DPP10: variants seen among roughly 807,000 people sequenced by gnomAD.
DPP10 encodes dipeptidyl peptidase like 10.
A neutral mutation model predicts 120.9 loss-of-function variants in DPP10; 33 were observed. The observed-to-expected ratio is 0.27, with a 90% CI of 0.21 to 0.37. The LOEUF (loss-of-function observed/expected upper bound fraction) is 0.37, where lower values mean the gene tolerates loss of function less well. DPP10 is among the 10% of genes least tolerant of loss of function. The probability of loss-of-function intolerance (pLI) is 1.00; values close to 1 mark genes in which losing one functional copy is unlikely to be tolerated. For missense variants in DPP10, 816 were observed against 942.8 expected (o/e 0.87, Z 1.76); for synonymous variants, 337 against 326.1 (o/e 1.03, Z -0.36).
At chr2:114,669,433 C>A (rs539635016) in intron 1 of DPP10, among the ~76,000 whole-genome samples, 11 of 152,050 alleles carry the variant, frequency 7.2e-5, no homozygotes, top group African/African-American at 1.4e-4. Flanking sequence ...CTTAATGGGG[C>A]CTTTGGTACT....
In DPP10 at chr2:115,301,496, C is replaced by G. The variant is rs572104370; in HGVS notation, c.61-7743C>G. Among the ~76,000 whole-genome samples, 6 of 144,078 alleles carry G rather than the reference C, an allele frequency of 4.2e-5. No homozygotes were observed. The South Asian group carries it at 1.3e-3, about 31-fold the overall frequency. 94.5% of individuals were successfully genotyped at this position (144,078 alleles called of 152,430 possible). Reference sequence around the variant, plus strand: ...TTTTTTTTTTTTTTTTTTAACTGCACTCACTGTTCCAAGGTGGCGCAAGCA... The same window carrying G: ...TTTTTTTTTTTTTTTTTTAACTGCAGTCACTGTTCCAAGGTGGCGCAAGCA... On this transcript the variant is annotated intron_variant, in intron 1 of 25. Transcript: ENST00000410059.
chr2:115,520,611 C>G (rs752522839), intron 4 of DPP10, among the ~76,000 whole-genome samples: 1 of 152,058 alleles, frequency 6.6e-6, no homozygotes, highest in Non-Finnish European at 1.5e-5. Context: ...TACACAGTTC[C>G]TAAGGTTCTG....
intron 3 of DPP10, among the ~76,000 whole-genome samples, chr2:115,469,468 G>A (rs2074543941): frequency 6.6e-6 from 1 of 152,180 alleles, no homozygotes; most frequent in East Asian, 1.9e-4. Flanking sequence ...GATATTTAGA[G>A]TGTGCTGCCT....
chr2:115,633,311 C>G (rs1337633459), intron 5 of DPP10, among the ~76,000 whole-genome samples: 1 of 152,130 alleles, frequency 6.6e-6, no homozygotes, highest in Non-Finnish European at 1.5e-5. Context: ...AACCATCATT[C>G]TCAGCAAACT....
chr2:115,794,973 A>C (rs956480941), intron 19 of DPP10, among the ~76,000 whole-genome samples: 2 of 152,158 alleles, frequency 1.3e-5, no homozygotes, highest in East Asian at 3.9e-4. Flanking sequence ...CTTGAAGTCT[A>C]TAATAGTTAT....
intron 3 of DPP10, among the ~76,000 whole-genome samples, chr2:115,481,091 A>G (rs2075398904): frequency 6.6e-6 from 1 of 152,174 alleles, no homozygotes; most frequent in Non-Finnish European, 1.5e-5. Context: ...TATGTGAGCC[A>G]TAAACTGTGT....
intron 1 of DPP10, among the ~76,000 whole-genome samples, chr2:114,624,115 T>C (rs1694309146): frequency 6.6e-6 from 1 of 151,990 alleles, no homozygotes; most frequent in Non-Finnish European, 1.5e-5. Flanking sequence ...CACAAAACTG[T>C]GGAAGCATTG....
chr2:114,694,692 G>A (rs571627691), intron 1 of DPP10, among the ~76,000 whole-genome samples: 47 of 152,042 alleles, frequency 3.1e-4, no homozygotes, highest in South Asian at 2.1e-3. Flanking sequence ...CAACAGAACC[G>A]TATAAGTACA....
chr2:115,681,895 T>C (rs1252083260), intron 5 of DPP10, among the ~76,000 whole-genome samples: 2 of 151,720 alleles, frequency 1.3e-5, no homozygotes, highest in South Asian at 4.1e-4. Context: ...TTTGATCCTA[T>C]TGAAATGAAG....
At chr2:115,455,728 A>C (rs2073475421) in intron 3 of DPP10, among the ~76,000 whole-genome samples, 1 of 152,154 alleles carries the variant, frequency 6.6e-6, no homozygotes, top group African/African-American at 2.4e-5. Flanking sequence ...AGAATTCCCT[A>C]TTTAATAAAT....
chr2:115,295,067 T>A (rs780620881), intron 1 of DPP10, among the ~76,000 whole-genome samples: 1 of 152,088 alleles, frequency 6.6e-6, no homozygotes, highest in Non-Finnish European at 1.5e-5. Context: ...AGAGCAAACG[T>A]CTTTTCAAAT....
chr2:115,265,388 C>T (rs1299321860), intron 1 of DPP10, among the ~76,000 whole-genome samples: 1 of 151,708 alleles, frequency 6.6e-6, no homozygotes. Flanking sequence ...TATTATTAGG[C>T]ACTCTGAATT....
chr2:114,617,615 G>A (rs1490802918), intron 1 of DPP10, among the ~76,000 whole-genome samples: 1 of 151,944 alleles, frequency 6.6e-6, no homozygotes, highest in African/African-American at 2.4e-5. Context: ...TGTTTTTAGT[G>A]TTCTCCAATT....
chr2:115,233,934 A>G (rs759791494), intron 1 of DPP10: 3 of 518,274 alleles, frequency 5.8e-6, no homozygotes, highest in African/African-American at 5.8e-5. Flanking sequence ...GGTGGATTTA[A>G]AGCTTAGAAA....
chr2:114,879,616 T>A (rs1034083555), intron 1 of DPP10, among the ~76,000 whole-genome samples: 4 of 152,112 alleles, frequency 2.6e-5, no homozygotes, highest in African/African-American at 9.7e-5. Flanking sequence ...TCAAATAGGA[T>A]TCAAATATTG....
intron 1 of DPP10, among the ~76,000 whole-genome samples, chr2:114,897,052 A>C (rs1411449653): frequency 2.0e-5 from 3 of 152,164 alleles, no homozygotes; most frequent in East Asian, 1.9e-4. Flanking sequence ...TGATTTGCAT[A>C]TATTGAACCA....
chr2:114,607,582 C>A (rs762402099), intron 1 of DPP10, among the ~76,000 whole-genome samples: 1 of 152,142 alleles, frequency 6.6e-6, no homozygotes, highest in African/African-American at 2.4e-5. Context: ...CTGGCTTCAT[C>A]ATCTCATCCT....
chr2:115,559,777 A>T (rs2080449760), intron 5 of DPP10, among the ~76,000 whole-genome samples: 1 of 152,208 alleles, frequency 6.6e-6, no homozygotes, highest in Non-Finnish European at 1.5e-5. Context: ...TACAAATAAC[A>T]AGGTCAAATA....
chr2:115,477,879 G>A lies in DPP10; in HGVS notation c.272-21631G>A, dbSNP rs192297968. Among the ~76,000 whole-genome samples the A allele has an allele frequency of 4.6e-5, 7 of 152,274 alleles. No homozygotes were observed. In the East Asian group the frequency reaches 1.4e-3, roughly 29 times the overall value. ...ATAAGGAAAATGGGATGTATAGGAA[G>A]CATGGTGCTGGCATCTACTTGGCTT... On this transcript the variant is annotated intron_variant, in intron 3 of 25. Transcript: ENST00000410059.
Sources: allele counts gnomAD v4.1 joint callset (sites outside exome capture counted in the v4.1 genomes callset), GRCh38; gene constraint gnomAD v4.1.1; transcripts MANE v1.5; gene names NCBI Gene and HGNC (gene_info 2026-07-23, HGNC 2026-07-21).